The following PRKAR1B variants were observed in gnomAD, a reference collection of about 807,000 sequenced individuals.
The protein encoded by PRKAR1B is protein kinase cAMP-dependent type I regulatory subunit beta.
Under a neutral mutation model 46.5 loss-of-function variants are expected in PRKAR1B, and 22 were observed. That is an observed-to-expected ratio of 0.47 (90% CI 0.34 to 0.68). The LOEUF is 0.68. Among genes scored for constraint, PRKAR1B ranks in the 30% least tolerant of loss-of-function variants. PRKAR1B has a pLI of 0.01. For synonymous variants in PRKAR1B, 259 were observed against 217.7 expected, an observed-to-expected ratio of 1.19 and a Z score of -1.67; for missense variants, 445 against 535.6, an observed-to-expected ratio of 0.83 and a Z score of 1.67.
intron 4 of PRKAR1B, among the ~76,000 whole-genome samples, chr7:635,325 CG>C: frequency 6.6e-6 from 1 of 152,328 alleles, no homozygotes; most frequent in African/African-American, 2.4e-5. Context: ...CTGAATGTTC[CG>C]GATCTGGGCC....
chr7:645,212 T>C (rs1365624324), intron 4 of PRKAR1B, among the ~76,000 whole-genome samples: 1 of 152,030 alleles, frequency 6.6e-6, no homozygotes, highest in Admixed American at 6.6e-5. Context: ...CCAAGTCCGG[T>C]CCTCTCCCTC....
intron 7 of PRKAR1B, among the ~76,000 whole-genome samples, chr7:587,394 G>C (rs926038834): frequency 6.6e-6 from 1 of 152,136 alleles, no homozygotes; most frequent in Non-Finnish European, 1.5e-5. Flanking sequence ...TCAGAGGGCC[G>C]AGGAGGAGGA....
intron 4 of PRKAR1B, among the ~76,000 whole-genome samples, chr7:670,399 C>T (rs528154511): frequency 3.7e-4 from 57 of 152,344 alleles, no homozygotes; most frequent in Middle Eastern, 6.8e-3. Flanking sequence ...TGGTGACAAG[C>T]CTGTGCCTCC....
intron 4 of PRKAR1B, among the ~76,000 whole-genome samples, chr7:640,693 G>C (rs530397618): frequency 6.6e-6 from 1 of 151,788 alleles, no homozygotes; most frequent in Non-Finnish European, 1.5e-5. Flanking sequence ...AACCCAGAAG[G>C]TGGAGGTTGC....
At chr7:596,402 G>A in intron 6 of PRKAR1B, 98 bp from the exon 7 acceptor site, 6 of 1,422,194 alleles carry the variant, frequency 4.2e-6, no homozygotes, top group Non-Finnish European at 5.7e-6. Flanking sequence ...TCCAGAAGAG[G>A]GTCCCCGCAG....
rs33963335 is a variant in PRKAR1B, at chr7:706,422, A to ATTTTTTTTTTTTTTTTT, written c.177+4890_177+4906dup. On this transcript the variant is annotated intron_variant, in intron 2 of 10. Coordinates refer to ENST00000537384, the MANE Select transcript of PRKAR1B (RefSeq NM_001164760.2). ...GCTGTGTTTTGCCATCAAATAAGGAATTTTTTTTTTTTTTTTTTTGAGACG... is the reference window on the plus strand; with the variant it reads ...GCTGTGTTTTGCCATCAAATAAGGAATTTTTTTTTTTTTTTTTTTTTTTTTTTTTTTTTTTTGAGACG... 5.7e-4 allele frequency among the ~76,000 whole-genome samples: 58 copies of ATTTTTTTTTTTTTTTTT among 102,306 alleles called. 3 individuals are homozygous for ATTTTTTTTTTTTTTTTT. The highest frequency in any genetic ancestry group is 9.3e-4 in the African/African-American group (24 of 25,854). 67.1% of individuals were successfully genotyped at this position (102,306 alleles called of 152,430 possible). A position where few individuals can be genotyped will look rare whatever the true frequency, so the allele number is the denominator to read the frequency against.
At chr7:647,430 C>T (rs1229170811) in intron 4 of PRKAR1B, among the ~76,000 whole-genome samples, 3 of 152,056 alleles carry the variant, frequency 2.0e-5, no homozygotes, top group Non-Finnish European at 4.4e-5. Context: ...CCCAACACCC[C>T]CCAGCAGCTC....
At position 596,312 on chromosome 7, in the gene PRKAR1B, G is replaced by A. The variant is rs201131365; in HGVS notation, c.550-8C>T. On this transcript the variant is annotated splice_region_variant and splice_polypyrimidine_tract_variant and intron_variant, in intron 6 of 10. Coordinates refer to ENST00000537384, the MANE Select transcript of PRKAR1B (RefSeq NM_001164760.2). ...CTCTCCGTTCACGTACACCTTTGGG[G>A]AGCAAGAGAGAGAAGTGTCACGGGG... 2.1e-5 allele frequency: 33 copies of A among 1,601,650 alleles called. No individual in the cohort carries two copies. In the East Asian group the frequency reaches 4.9e-4, roughly 24 times the overall value.
At chr7:658,684 T>C (rs1785339206) in intron 4 of PRKAR1B, among the ~76,000 whole-genome samples, 1 of 152,152 alleles carries the variant, frequency 6.6e-6, no homozygotes, top group African/African-American at 2.4e-5. Flanking sequence ...AGAGTCTTAC[T>C]CTGTTGCCCA....
intron 4 of PRKAR1B, 151 bp downstream of exon 4, chr7:677,078 G>A (rs995453749): frequency 9.4e-6 from 7 of 746,264 alleles, no homozygotes; most frequent in Non-Finnish European, 1.6e-5. Context: ...GGAGAAGGCA[G>A]CTGTGATTCC....
intron 2 of PRKAR1B, among the ~76,000 whole-genome samples, chr7:692,412 CAGAG>C (rs1319982328): frequency 2.0e-5 from 3 of 150,088 alleles, no homozygotes; most frequent in Non-Finnish European, 3.0e-5. Context: ...AAAAAAGAAA[CAGAG>C]AGACAGAGAG....
At chr7:640,628 T>TA (rs1784338260) in intron 4 of PRKAR1B, among the ~76,000 whole-genome samples, 1 of 152,046 alleles carries the variant, frequency 6.6e-6, no homozygotes, top group South Asian at 2.1e-4. Context: ...CCGGGTGTGG[T>TA]GGCAGCTGCC....
chr7:620,382 C>T (rs1783048401), intron 4 of PRKAR1B, among the ~76,000 whole-genome samples: 1 of 152,186 alleles, frequency 6.6e-6, no homozygotes, highest in African/African-American at 2.4e-5. Context: ...CAAGCACATT[C>T]CACTTCTCAG....
At chr7:568,845 A>G (rs1233554548) in intron 9 of PRKAR1B, among the ~76,000 whole-genome samples, 2 of 152,076 alleles carry the variant, frequency 1.3e-5, no homozygotes, top group Non-Finnish European at 2.9e-5. Context: ...TGCATTCCAC[A>G]TCTGTCTCGT....
chr7:553,632 C>T (rs1340777928), intron 9 of PRKAR1B, among the ~76,000 whole-genome samples: 2 of 152,206 alleles, frequency 1.3e-5, no homozygotes, highest in Non-Finnish European at 2.9e-5. Context: ...ACAAACACTT[C>T]ATTTCAAGGT....
intron 2 of PRKAR1B, among the ~76,000 whole-genome samples, chr7:689,927 C>G (rs185759243): frequency 6.1e-4 from 92 of 151,780 alleles, no homozygotes; most frequent in African/African-American, 2.2e-3. Flanking sequence ...GTGATCCGCC[C>G]GCCTCGGCCT....
At chr7:684,282 G>A (rs540045582) in intron 2 of PRKAR1B, among the ~76,000 whole-genome samples, 1 of 152,364 alleles carries the variant, frequency 6.6e-6, no homozygotes, top group African/African-American at 2.4e-5. Flanking sequence ...AAGACGCTGA[G>A]TACACGGGGA....
chr7:554,182 C>G (rs910413719), intron 9 of PRKAR1B, among the ~76,000 whole-genome samples: 1 of 152,246 alleles, frequency 6.6e-6, no homozygotes, highest in African/African-American at 2.4e-5. Context: ...AGCCACCGGC[C>G]CCAGCCTTCC....
intron 4 of PRKAR1B, among the ~76,000 whole-genome samples, chr7:627,498 C>A (rs1270140686): frequency 6.6e-6 from 1 of 152,186 alleles, no homozygotes; most frequent in South Asian, 2.1e-4. Context: ...GAGCCAGGTG[C>A]GGACCCAGGC....
Sources: allele counts gnomAD v4.1 joint callset (sites outside exome capture counted in the v4.1 genomes callset), GRCh38; gene constraint gnomAD v4.1.1; transcripts MANE v1.5; gene names NCBI Gene and HGNC (gene_info 2026-07-23, HGNC 2026-07-21).